Variants in SH3TC1 observed in about 807,000 individuals in gnomAD.
The protein encoded by SH3TC1 is SH3 domain and tetratricopeptide repeat-containing protein 1.
In SH3TC1, 135 loss-of-function variants were observed where a neutral mutation model predicts 117.3. That is an observed-to-expected ratio of 1.15 (90% CI 1.00 to 1.33). SH3TC1 has a LOEUF of 1.33. Among genes scored for constraint, SH3TC1 ranks in the 40% most tolerant of loss-of-function variants. The pLI, the probability that SH3TC1 is intolerant of heterozygous loss-of-function variation, is 0.00. For synonymous variants in SH3TC1, 898 were observed against 816.9 expected (o/e 1.10, Z -1.69); for missense variants, 2,092 against 1,794.3 (o/e 1.17, Z -3.00).
chr4:8,217,860 G>A (rs1473780030), intron 7 of SH3TC1, among the ~76,000 whole-genome samples: 1 of 152,234 alleles, frequency 6.6e-6, no homozygotes, highest in East Asian at 1.9e-4. Context: ...TGAGAGAGGA[G>A]TGATCTGTCC....
chr4:8,236,571 C>T (rs903983633), intron 16 of SH3TC1, 143 bp downstream of exon 16: 18 of 1,167,642 alleles, frequency 1.5e-5, no homozygotes, highest in African/African-American at 1.5e-4. Context: ...CTGGCTCCCC[C>T]GTCCGGCCGT....
At chr4:8,197,000 G>C (rs745580623), upstream of SH3TC1, among the ~76,000 whole-genome samples, 2 of 152,220 alleles carry the variant, frequency 1.3e-5, no homozygotes, top group Admixed American at 6.5e-5. This position sits in a 1 kb window ranked among gnomAD's most constrained non-coding sequence, Gnocchi z 4.6. Context: ...CCCTGAACCT[G>C]TGAACCTGAC....
chr4:8,194,108 C>T (rs1442707382), intron 1 of SH3TC1, among the ~76,000 whole-genome samples: 7 of 152,210 alleles, frequency 4.6e-5, no homozygotes, highest in Admixed American at 4.6e-4. Flanking sequence ...CTGGTCAGCA[C>T]TCAGGGTGTG....
rs1720529574 is a variant in SH3TC1, at chr4:8,227,131, C to A, written c.1437C>A (p.Asp479Glu). 6.2e-7 allele frequency: 1 copy of A among 1,612,152 alleles called. No homozygotes were observed. The highest frequency in any genetic ancestry group is 1.1e-5 in the South Asian group (1 of 90,988). The part of the protein sequence containing the change: ...CAASSDVSLQ[D>E]PEEPSFCLEA... ...CATCCAGCGACGTGAGCTTGCAGGA[C>A]CCCGAGGAGCCCTCCTTCTGCTTGG... The change falls in exon 12 of 18, where the codon GAC becomes GAA. Residue 479 changes from aspartate (D) to glutamate (E), a missense_variant. Transcript: ENST00000245105.
In SH3TC1 at chr4:8,206,871, T is replaced by G. The variant is rs897586624; in HGVS notation, c.172+1505T>G. Among the ~76,000 whole-genome samples, 1 of 138,664 alleles carries G rather than the reference T, an allele frequency of 7.2e-6. No individual in the cohort carries two copies. Among genetic ancestry groups the G allele is most frequent in the African/African-American group, 2.9e-5 (1 of 34,784 alleles). The allele number at this position is 138,664 out of a possible 152,430, so 91.0% of individuals were successfully genotyped here. ...TGTGTGTGTGTGTGTGTGTGTGTGA[T>G]TTTCTTCTGATCCTTTTGGGAGTAA... is the stretch of plus-strand genomic sequence containing the variant. On this transcript the variant is annotated intron_variant, in intron 2 of 17. Coordinates refer to ENST00000245105, the MANE Select transcript of SH3TC1 (RefSeq NM_018986.5). This position sits in a 1 kb window ranked among gnomAD's most constrained non-coding sequence, Gnocchi z 5.5.
upstream of SH3TC1, among the ~76,000 whole-genome samples, chr4:8,197,785 G>A (rs1561674906): frequency 1.3e-5 from 2 of 152,266 alleles, no homozygotes; most frequent in Non-Finnish European, 2.9e-5. Flanking sequence ...GCCTCAGTGG[G>A]GCGGAGGGAG....
chr4:8,224,879 G>T, intron 10 of SH3TC1: 1 of 405,496 alleles, frequency 2.5e-6, no homozygotes, highest in South Asian at 3.9e-5. Context: ...GTTGGGTGGG[G>T]TGGAGGCCTG....
chr4:8,232,706 G>C (rs544628138), intron 13 of SH3TC1: 20 of 1,290,218 alleles, frequency 1.6e-5, no homozygotes, highest in Middle Eastern at 2.1e-4. Flanking sequence ...CCCACCCACA[G>C]GGCCCAGTGA....
intron 14 of SH3TC1, among the ~76,000 whole-genome samples, chr4:8,234,919 A>T (rs1361641224): frequency 6.6e-6 from 1 of 152,220 alleles, no homozygotes; most frequent in African/African-American, 2.4e-5. Context: ...TCCCAAACAC[A>T]GTGTGATCTG....
At position 8,183,003 on chromosome 4, in the gene SH3TC1, G is replaced by A. The variant is rs1400002671; in HGVS notation, c.-57+793G>A. Among the ~76,000 whole-genome samples the A allele has an allele frequency of 1.3e-5, 2 of 152,156 alleles. No homozygotes were observed. The highest frequency in any genetic ancestry group is 2.4e-5 in the African/African-American group (1 of 41,448). ...GGACGCAGAGGCTGTTGGGGCAGTGGGGAGGCGCAGGGGCCTGACCCAGAG... is the reference window on the plus strand; with the variant it reads ...GGACGCAGAGGCTGTTGGGGCAGTGAGGAGGCGCAGGGGCCTGACCCAGAG... On this transcript the variant is annotated intron_variant, in intron 1 of 16. Transcript: ENST00000508641. The surrounding 1 kb of genome is among the most constrained non-coding windows in gnomAD (Gnocchi z 5.4).
intron 1 of SH3TC1, among the ~76,000 whole-genome samples, chr4:8,189,747 C>T (rs1412986123): frequency 6.6e-6 from 1 of 152,192 alleles, no homozygotes; most frequent in Non-Finnish European, 1.5e-5. Flanking sequence ...GACGGTGGCA[C>T]TGGCACAGGC....
chr4:8,207,020 C>A (rs376508611), intron 2 of SH3TC1, among the ~76,000 whole-genome samples: 9 of 151,744 alleles, frequency 5.9e-5, no homozygotes, highest in African/African-American at 2.2e-4. Flanking sequence ...AACACCATCA[C>A]CTCATCTACA....
Position 8,227,890 on chromosome 4 carries a change from G to A in SH3TC1, c.2196G>A (p.Val732=). ...ACCTGGTGCTGAGCTGTGTCAAGGT[G>A]GCCTCATTGCGGACACGGGGCTCGC... The part of the protein sequence containing the change: ...LPHLVLSCVK[V]ASLRTRGSLA... The change falls in exon 12 of 18, where the codon GTG becomes GTA. Residue 732 remains valine, a synonymous_variant. Coordinates refer to ENST00000245105, the MANE Select transcript of SH3TC1 (RefSeq NM_018986.5). 1 of 1,612,832 alleles carries A rather than the reference G, an allele frequency of 6.2e-7. No individual in the cohort carries two copies. The highest frequency in any genetic ancestry group is 8.5e-7 in the Non-Finnish European group (1 of 1,179,978).
intron 1 of SH3TC1, chr4:8,201,772 A>G (rs1717857784): frequency 6.6e-6 from 1 of 152,330 alleles, no homozygotes; most frequent in South Asian, 2.1e-4. Flanking sequence ...GTCTCTGAGT[A>G]CCAGCTGTGT....
rs1440474923 is a variant in SH3TC1 at position 8,237,498 on chromosome 4, C to T, written c.3581C>T (p.Ala1194Val). Residue 1194 changes from alanine (A) to valine (V), a missense_variant, in exon 17 of 18, where the codon GCC (alanine) becomes GTC (valine). By Grantham distance (64) the Ala-to-Val change is moderately conservative (BLOSUM62 0). Transcript: ENST00000245105. ...GGGGACCGGCTGAACGAGCGCGTGG[C>T]CTACCACCGGCTGGCCGCCCTGCAA... ...TLGDRLNERV[A>V]YHRLAALQHR... 2 of 1,599,676 alleles carry T rather than the reference C, an allele frequency of 1.3e-6. No homozygotes were observed. Among genetic ancestry groups the T allele is most frequent in the Admixed American group, 1.7e-5 (1 of 58,890 alleles).
chr4:8,237,785 C>G (rs1560119241), intron 17 of SH3TC1, 115 bp downstream of exon 17: 2 of 1,160,678 alleles, frequency 1.7e-6, no homozygotes, highest in Non-Finnish European at 2.3e-6. Context: ...AGTGGCCTCC[C>G]TGGAGCGCTG....
chr4:8,222,938 C>A lies in SH3TC1; in HGVS notation c.1211C>A (p.Ser404Ter). The A allele has an allele frequency of 6.2e-7, 1 of 1,612,764 alleles. No individual in the cohort carries two copies. Among genetic ancestry groups the A allele is most frequent in the South Asian group, 1.1e-5 (1 of 91,000 alleles). ...EDARQLLRRM[S>*]GTDVCSVYSL... ...GCCAGGCAGTTGCTGAGGCGGATGTCGGGCACCGATGTCTGCAGCGTGTAC... is the reference window on the plus strand; with the variant it reads ...GCCAGGCAGTTGCTGAGGCGGATGTAGGGCACCGATGTCTGCAGCGTGTAC... Residue 404 changes from serine to a stop codon, truncating the protein, a stop_gained, in exon 10 of 18, where the codon TCG (serine) becomes TAG (stop). Transcript: ENST00000245105. LOFTEE classifies it high-confidence loss of function.
chr4:8,195,926 C>T (rs1056468026), upstream of SH3TC1, among the ~76,000 whole-genome samples: 1 of 152,230 alleles, frequency 6.6e-6, no homozygotes, highest in African/African-American at 2.4e-5. Context: ...GGGCCATCAT[C>T]TGAGCAGGGG....
chr4:8,225,043 T>A lies in SH3TC1; in HGVS notation c.1244-132T>A. 9.0e-7 allele frequency: 1 copy of A among 1,113,072 alleles called. No individual in the cohort carries two copies. The highest frequency in any genetic ancestry group is 1.3e-6 in the Non-Finnish European group (1 of 762,040). 68.9% of individuals were successfully genotyped at this position (1,113,072 alleles called of 1,614,324 possible). The stretch of plus-strand genomic sequence containing the variant: ...ACTCCAGCCCGCAACACCAGCACCC[T>A]GCAACATCTCAGCCCTCAATACCTG... On this transcript the variant is annotated intron_variant, in intron 10 of 17. Transcript: ENST00000245105. The surrounding 1 kb of genome is among the most constrained non-coding windows in gnomAD (Gnocchi z 5.5).
Sources: allele counts gnomAD v4.1 joint callset (sites outside exome capture counted in the v4.1 genomes callset), GRCh38; gene constraint gnomAD v4.1.1; non-coding constraint Gnocchi (gnomAD v3.1); transcripts MANE v1.5; gene names NCBI Gene and HGNC (gene_info 2026-07-23, HGNC 2026-07-21).